The following TMEM178B variants were observed in gnomAD, a reference collection of about 807,000 sequenced individuals.
TMEM178B encodes transmembrane protein 178B.
TMEM178B carries 5 observed loss-of-function variants against 31.0 expected under a neutral mutation model. That is an observed-to-expected ratio of 0.16 (90% CI 0.08 to 0.34). The LOEUF is 0.34. Among genes scored for constraint, TMEM178B ranks in the 10% least tolerant of loss-of-function variants. The pLI is 1.00. For synonymous variants in TMEM178B, 164 were observed against 164.0 expected, an observed-to-expected ratio of 1.00 and a Z score of 0.00; for missense variants, 275 against 400.3, an observed-to-expected ratio of 0.69 and a Z score of 2.67.
intron 1 of TMEM178B, among the ~76,000 whole-genome samples, chr7:141,105,634 T>A (rs1200082584): frequency 6.6e-6 from 1 of 152,250 alleles, no homozygotes; most frequent in East Asian, 1.9e-4. Context: ...TCATTCGTAA[T>A]GACTTCTTCC....
intron 2 of TMEM178B, among the ~76,000 whole-genome samples, chr7:141,289,193 A>G (rs1798501557): frequency 6.6e-6 from 1 of 152,188 alleles, no homozygotes; most frequent in South Asian, 2.1e-4. Flanking sequence ...CATGGGGGAA[A>G]ATAGTAATAG....
intron 2 of TMEM178B, among the ~76,000 whole-genome samples, chr7:141,409,853 GTTAA>G (rs1236671679): frequency 1.3e-5 from 2 of 151,904 alleles, no homozygotes; most frequent in Admixed American, 6.6e-5. Flanking sequence ...TCACAATTCT[GTTAA>G]TTAACACAAA....
At chr7:141,339,052 G>A (rs1799472445) in intron 2 of TMEM178B, among the ~76,000 whole-genome samples, 1 of 152,182 alleles carries the variant, frequency 6.6e-6, no homozygotes, top group African/African-American at 2.4e-5. Flanking sequence ...GTTTGTGAGA[G>A]AGTGAGACAG....
chr7:141,224,374 G>A (rs1215206930), intron 2 of TMEM178B, among the ~76,000 whole-genome samples: 3 of 152,124 alleles, frequency 2.0e-5, no homozygotes, highest in Non-Finnish European at 4.4e-5. Flanking sequence ...TTTCTTTTAC[G>A]GATTCGATCT....
chr7:141,243,500 G>T (rs1356395724), intron 2 of TMEM178B, among the ~76,000 whole-genome samples: 5 of 152,140 alleles, frequency 3.3e-5, no homozygotes, highest in Non-Finnish European at 7.4e-5. Flanking sequence ...GGGGCTGGTG[G>T]TGTCCTCAAA....
intron 2 of TMEM178B, among the ~76,000 whole-genome samples, chr7:141,360,548 G>A (rs144116779): frequency 2.3e-3 from 343 of 152,326 alleles, no homozygotes; most frequent in African/African-American, 7.4e-3. Context: ...TGTCTGCAGT[G>A]GCTGTAGCTG....
chr7:141,112,641 C>T (rs1464476474), intron 1 of TMEM178B, among the ~76,000 whole-genome samples: 1 of 152,202 alleles, frequency 6.6e-6, no homozygotes, highest in East Asian at 1.9e-4. Context: ...CCTTGCTTTG[C>T]TGCCCTACAT....
At chr7:141,260,292 A>T (rs1176238222) in intron 2 of TMEM178B, among the ~76,000 whole-genome samples, 1 of 152,200 alleles carries the variant, frequency 6.6e-6, no homozygotes, top group Non-Finnish European at 1.5e-5. Flanking sequence ...GTACTGTTTC[A>T]TTGGAGGAAG....
At chr7:141,120,179 A>C (rs116889803) in intron 1 of TMEM178B, among the ~76,000 whole-genome samples, 1 of 152,028 alleles carries the variant, frequency 6.6e-6, no homozygotes, top group African/African-American at 2.4e-5. Context: ...TGGAGTCTCA[A>C]CTCTTCCCTT....
chr7:141,421,033 G>C (rs555428550), intron 2 of TMEM178B, among the ~76,000 whole-genome samples: 2 of 152,302 alleles, frequency 1.3e-5, no homozygotes, highest in African/African-American at 4.8e-5. Flanking sequence ...GAAGGAGCTA[G>C]AGGCTATCTC....
intron 1 of TMEM178B, among the ~76,000 whole-genome samples, chr7:141,109,004 T>TGCC (rs1795192280): frequency 1.3e-5 from 2 of 152,160 alleles, no homozygotes; most frequent in Admixed American, 1.3e-4. Flanking sequence ...TGAAACGGAT[T>TGCC]TCCCCTTATC....
chr7:141,460,588 C>A (rs1423143392), intron 3 of TMEM178B, among the ~76,000 whole-genome samples: 1 of 152,206 alleles, frequency 6.6e-6, no homozygotes, highest in South Asian at 2.1e-4. Flanking sequence ...TGGATGTATT[C>A]TCTTTGGAAG....
chr7:141,215,922 T>C (rs1177577703), intron 2 of TMEM178B, among the ~76,000 whole-genome samples: 1 of 145,846 alleles, frequency 6.9e-6, no homozygotes, highest in African/African-American at 2.5e-5. Context: ...CTTTTTTTTT[T>C]TTTGACAGAG....
intron 1 of TMEM178B, among the ~76,000 whole-genome samples, chr7:141,086,174 T>C (rs1794784590): frequency 6.6e-6 from 1 of 151,460 alleles, no homozygotes; most frequent in Non-Finnish European, 1.5e-5. Context: ...TAGCTGGGAC[T>C]ACAGGCGCCT....
intron 1 of TMEM178B, among the ~76,000 whole-genome samples, chr7:141,182,140 G>A (rs1796539514): frequency 6.6e-6 from 1 of 152,132 alleles, no homozygotes; most frequent in East Asian, 1.9e-4. Context: ...GAAAGATTTT[G>A]GGGGCCTGGA....
intron 2 of TMEM178B, among the ~76,000 whole-genome samples, chr7:141,317,408 A>G (rs1586888381): frequency 6.6e-6 from 1 of 152,240 alleles, no homozygotes; most frequent in Non-Finnish European, 1.5e-5. Flanking sequence ...CTGCAGGTGC[A>G]TCAGTGAGAA....
At chr7:141,416,807 G>A (rs1801106206) in intron 2 of TMEM178B, among the ~76,000 whole-genome samples, 1 of 152,174 alleles carries the variant, frequency 6.6e-6, no homozygotes, top group African/African-American at 2.4e-5. Flanking sequence ...GGGGATGCTT[G>A]TCTCTTGTAG....
chr7:141,382,443 T>C (rs536962866), intron 2 of TMEM178B, among the ~76,000 whole-genome samples: 1 of 152,312 alleles, frequency 6.6e-6, no homozygotes, highest in African/African-American at 2.4e-5. Flanking sequence ...GAATATTGCT[T>C]GTTATTTTAA....
chr7:141,081,927 G>T (rs908243675), intron 1 of TMEM178B, among the ~76,000 whole-genome samples: 1 of 152,128 alleles, frequency 6.6e-6, no homozygotes, highest in African/African-American at 2.4e-5. Flanking sequence ...GTCTCCACAG[G>T]TGTATCATTT....
Sources: gnomAD v4.1 joint callset for allele counts (sites outside exome capture counted in the v4.1 genomes callset) on GRCh38, gnomAD v4.1.1 for gene constraint, MANE v1.5 for transcripts, NCBI Gene and HGNC (gene_info 2026-07-23, HGNC 2026-07-21) for gene names.